UGGT1: variants seen among roughly 807,000 people sequenced by gnomAD.
UGGT1 encodes UDP-glucose:glycoprotein glucosyltransferase 1.
Under a neutral mutation model 203.9 loss-of-function variants are expected in UGGT1, and 107 were observed. The ratio of observed to expected loss-of-function variants is 0.52; its 90% CI spans 0.45 to 0.62. UGGT1 has a LOEUF of 0.62. Ranked by LOEUF, UGGT1 falls within the 20% of genes least tolerant of loss-of-function variation. The pLI is 0.00. For missense variants in UGGT1, 1,673 were observed against 1,867.2 expected, an observed-to-expected ratio of 0.90 and a Z score of 1.92; for synonymous variants, 628 against 653.5, an observed-to-expected ratio of 0.96 and a Z score of 0.59.
chr2:128,176,935 A>G, intron 32 of UGGT1, 37 bp downstream of exon 32: 1 of 1,573,284 alleles, frequency 6.4e-7, no homozygotes, highest in Non-Finnish European at 8.7e-7. Context: ...CTGTTATTGG[A>G]CAGCTGTCAT....
intron 6 of UGGT1, 129 bp from the exon 7 acceptor site, chr2:128,114,995 T>C (rs186976153): frequency 2.5e-6 from 2 of 791,312 alleles, no homozygotes; most frequent in Non-Finnish European, 3.9e-6. Context: ...TAAAAAACAA[T>C]TTAAAGATAT....
intron 9 of UGGT1, among the ~76,000 whole-genome samples, chr2:128,120,994 A>G (rs1022038477): frequency 5.3e-5 from 8 of 152,168 alleles, no homozygotes; most frequent in Admixed American, 3.9e-4. Flanking sequence ...TTCTGCAGAT[A>G]TATCAGAAAC....
intron 37 of UGGT1, among the ~76,000 whole-genome samples, chr2:128,183,383 A>G (rs1378171597): frequency 6.6e-6 from 1 of 152,246 alleles, no homozygotes; most frequent in Non-Finnish European, 1.5e-5. Context: ...GTTGTTTATC[A>G]GTTACTATGG....
At position 128,097,560 on chromosome 2, in the gene UGGT1, G is replaced by A; in HGVS notation, c.190G>A (p.Ala64Thr). 1 of 1,613,830 alleles carries A rather than the reference G, an allele frequency of 6.2e-7. No individual in the cohort carries two copies. Among genetic ancestry groups the A allele is most frequent in the Non-Finnish European group, 8.5e-7 (1 of 1,179,936 alleles). The stretch of plus-strand genomic sequence containing the variant: ...GTTTTCCACTCCATTGTTGTTAGAA[G>A]CCAGGTAAGAGAACATTTTTTTTCC... ...KWFSTPLLLE[A>T]SEFLAEDSQE... Residue 64 changes from alanine to threonine, a missense_variant, in exon 2 of 41, where the codon GCC (alanine) becomes ACC (threonine). Ala to Thr is a moderately conservative substitution (Grantham distance 58, BLOSUM62 0). Coordinates refer to ENST00000259253, the MANE Select transcript of UGGT1 (RefSeq NM_020120.4).
intron 13 of UGGT1, among the ~76,000 whole-genome samples, chr2:128,130,625 C>T (rs1463372082): frequency 6.6e-6 from 1 of 152,114 alleles, no homozygotes; most frequent in African/African-American, 2.4e-5. Flanking sequence ...CATTTTGTGT[C>T]AGATTTAACT....
At chr2:128,178,905 A>G (rs1691540630) in intron 34 of UGGT1, among the ~76,000 whole-genome samples, 2 of 152,228 alleles carry the variant, frequency 1.3e-5, no homozygotes, top group East Asian at 1.9e-4. Context: ...GAACAGAACC[A>G]TGGAATACTT....
At chr2:128,133,044 A>C in intron 13 of UGGT1, 97 bp from the exon 14 acceptor site, 7 of 1,451,558 alleles carry the variant, frequency 4.8e-6, no homozygotes, top group Non-Finnish European at 5.7e-6. Context: ...GTCTCACATG[A>C]TTCTTCTTAA....
intron 5 of UGGT1, among the ~76,000 whole-genome samples, chr2:128,112,006 C>T (rs1219081015): frequency 4.0e-5 from 6 of 150,586 alleles, no homozygotes; most frequent in South Asian, 2.1e-4. Flanking sequence ...GGCATGATGT[C>T]GTGCACCTGT....
chr2:128,147,535 T>C (rs144216786), intron 18 of UGGT1, among the ~76,000 whole-genome samples: 2 of 152,254 alleles, frequency 1.3e-5, no homozygotes, highest in African/African-American at 4.8e-5. Context: ...ACATTTTACT[T>C]ATATAATAGT....
intron 2 of UGGT1, chr2:128,103,259 A>G (rs1420991679): frequency 3.2e-6 from 1 of 315,844 alleles, no homozygotes; most frequent in African/African-American, 2.2e-5. Flanking sequence ...TTCAATTACT[A>G]CGTGCATTTC....
At chr2:128,102,757 T>C (rs1687436863) in intron 2 of UGGT1, among the ~76,000 whole-genome samples, 1 of 152,214 alleles carries the variant, frequency 6.6e-6, no homozygotes, top group South Asian at 2.1e-4. Flanking sequence ...TCTGATTGAA[T>C]CTTAGTTCTC....
intron 13 of UGGT1, 65 bp downstream of exon 13, chr2:128,129,244 T>G: frequency 6.5e-7 from 1 of 1,533,918 alleles, no homozygotes; most frequent in Non-Finnish European, 8.7e-7. Context: ...GGTTTCTGAT[T>G]TGTCTCTTAT....
In UGGT1 at chr2:128,195,284, G is replaced by A. The variant is rs1692464062; in HGVS notation, c.*5542G>A. The A allele has an allele frequency of 6.6e-6, 1 of 152,214 alleles. No individual in the cohort carries two copies. The highest frequency in any genetic ancestry group is 2.4e-5 in the African/African-American group (1 of 41,446). 9.4% of individuals were successfully genotyped at this position (152,214 alleles called of 1,614,324 possible). A position where few individuals can be genotyped will look rare whatever the true frequency, so the allele number is the denominator to read the frequency against. On this transcript the variant is annotated 3_prime_UTR_variant, in exon 41 of 41. Coordinates refer to ENST00000259253, the MANE Select transcript of UGGT1 (RefSeq NM_020120.4). ...GCCTTGCCTTACTTGTCACCATTGA[G>A]ATTTCCAGAGAAATGGGCATAACGT...
rs560049038 is a variant in UGGT1, at chr2:128,133,122, G to C, written c.1378-19G>C. ...CTGGTTCCTAATGTGCATGTATCCT[G>C]TTGTGTTATTTTTTGTAGTGGGTCA... On this transcript the variant is annotated intron_variant, in intron 13 of 40. Transcript: ENST00000259253. The C allele has an allele frequency of 5.6e-6, 9 of 1,613,212 alleles. No homozygotes were observed. In the African/African-American group the frequency reaches 8.0e-5, roughly 14 times the overall value.
At chr2:128,140,156 G>T in intron 16 of UGGT1, 1 of 169,396 alleles carries the variant, frequency 5.9e-6, no homozygotes, top group South Asian at 1.7e-4. Context: ...CCCATATGCA[G>T]GGTCAGCTTA....
intron 14 of UGGT1, among the ~76,000 whole-genome samples, chr2:128,134,446 T>C (rs1689035094): frequency 6.6e-6 from 1 of 152,268 alleles, no homozygotes; most frequent in East Asian, 1.9e-4. Flanking sequence ...TCTAAGTTGC[T>C]TAACACGTAA....
intron 25 of UGGT1, 79 bp downstream of exon 25, chr2:128,161,347 T>TA: frequency 6.7e-7 from 1 of 1,496,364 alleles, no homozygotes; most frequent in Non-Finnish European, 9.0e-7. Flanking sequence ...TATATGTTGT[T>TA]ACTCATACTA....
chr2:128,095,108 G>A (rs1687051113), intron 1 of UGGT1, among the ~76,000 whole-genome samples: 2 of 151,936 alleles, frequency 1.3e-5, no homozygotes, highest in South Asian at 4.1e-4. Flanking sequence ...CTCCTCTGTG[G>A]GAAATGTCAG....
rs1448634169 is a variant in UGGT1 at position 128,113,274 on chromosome 2, T to C, written c.696+16T>C. On this transcript the variant is annotated intron_variant, in intron 6 of 40. Coordinates refer to ENST00000259253, the MANE Select transcript of UGGT1 (RefSeq NM_020120.4). ...TTATATATTTGTAAGTATTGACTTA[T>C]TTTACACCTGTTTTGAATGTAATTT... is the stretch of plus-strand genomic sequence containing the variant. The C allele has an allele frequency of 3.2e-6, 5 of 1,559,808 alleles. No homozygotes were observed. The South Asian group carries it at 4.8e-5, about 15-fold the overall frequency.
Sources: allele counts gnomAD v4.1 joint callset (sites outside exome capture counted in the v4.1 genomes callset), GRCh38; gene constraint gnomAD v4.1.1; transcripts MANE v1.5; gene names NCBI Gene and HGNC (gene_info 2026-07-23, HGNC 2026-07-21).